NELL1: variants seen among roughly 807,000 people sequenced by gnomAD.
NELL1 encodes protein kinase C-binding protein NELL1.
In NELL1, 76 loss-of-function variants were observed where a neutral mutation model predicts 107.4. The ratio of observed to expected loss-of-function variants is 0.71; its 90% confidence interval spans 0.59 to 0.86. NELL1 has a LOEUF of 0.86. Ranked by LOEUF, NELL1 falls within the 40% of genes least tolerant of loss-of-function variation. NELL1 has a pLI of 0.00. For synonymous variants in NELL1, 353 were observed against 341.2 expected (o/e 1.03, Z -0.38); for missense variants, 1,024 against 1,005.5 (o/e 1.02, Z -0.25).
At chr11:21,415,218 G>T (rs1024931081) in intron 15 of NELL1, among the ~76,000 whole-genome samples, 1 of 152,020 alleles carries the variant, frequency 6.6e-6, no homozygotes, top group African/African-American at 2.4e-5. Context: ...CTTGCACTTA[G>T]CAACTTATAA....
chr11:20,755,563 T>TTTTATTTATTTTTTTTTATTTA (rs1856256252), intron 2 of NELL1, among the ~76,000 whole-genome samples: 1 of 19,114 alleles, frequency 5.2e-5, no homozygotes, highest in East Asian at 1.6e-3. Context: ...TTTGTTTTTG[T>TTTTATTTATTTTTTTTTATTTA]TTTTTTTTTT....
intron 16 of NELL1, among the ~76,000 whole-genome samples, chr11:21,551,841 T>C (rs1006501947): frequency 1.3e-4 from 20 of 151,116 alleles, no homozygotes; most frequent in Admixed American, 8.6e-4. Context: ...TGCACACGTA[T>C]GTTTATTGCG....
At chr11:21,531,458 A>G (rs1338009203) in intron 15 of NELL1, among the ~76,000 whole-genome samples, 1 of 152,166 alleles carries the variant, frequency 6.6e-6, no homozygotes, top group Non-Finnish European at 1.5e-5. Context: ...GCCATATGTT[A>G]GTTATTGTGT....
chr11:21,383,630 CTCTT>C (rs1474266329), intron 15 of NELL1, among the ~76,000 whole-genome samples: 1 of 149,774 alleles, frequency 6.7e-6, no homozygotes, highest in Non-Finnish European at 1.5e-5. Context: ...GTTTGGAATA[CTCTT>C]TCTGACTATT....
At chr11:21,313,517 C>G (rs1384686971) in intron 14 of NELL1, among the ~76,000 whole-genome samples, 1 of 152,158 alleles carries the variant, frequency 6.6e-6, no homozygotes, top group African/African-American at 2.4e-5. Flanking sequence ...TAAATCCCCA[C>G]TGTCACCTAC....
chr11:20,723,978 G>C (rs186910685), intron 2 of NELL1, among the ~76,000 whole-genome samples: 4 of 152,282 alleles, frequency 2.6e-5, no homozygotes, highest in Admixed American at 6.5e-5. Context: ...GCTGTACCTT[G>C]GTCCCTTTTA....
chr11:20,972,193 A>G (rs966954329), intron 12 of NELL1, among the ~76,000 whole-genome samples: 2 of 152,234 alleles, frequency 1.3e-5, no homozygotes, highest in African/African-American at 4.8e-5. Flanking sequence ...AACTTAAAGT[A>G]AAATAAAAAA....
chr11:20,890,132 G>T (rs1849588609), intron 5 of NELL1, among the ~76,000 whole-genome samples: 1 of 152,054 alleles, frequency 6.6e-6, no homozygotes, highest in African/African-American at 2.4e-5. Context: ...CGAGGTCAGA[G>T]GTCCCAGAAG....
At chr11:20,735,679 A>C (rs950999257) in intron 2 of NELL1, among the ~76,000 whole-genome samples, 2 of 152,200 alleles carry the variant, frequency 1.3e-5, no homozygotes, top group Non-Finnish European at 2.9e-5. Flanking sequence ...GGCCAGCATG[A>C]AACCTTGTTT....
chr11:21,501,062 T>C (rs1855128007), intron 15 of NELL1, among the ~76,000 whole-genome samples: 1 of 152,134 alleles, frequency 6.6e-6, no homozygotes, highest in Non-Finnish European at 1.5e-5. Flanking sequence ...TCTGTGAATA[T>C]TATCACATAA....
At chr11:21,549,694 T>A (rs1856529809) in intron 16 of NELL1, among the ~76,000 whole-genome samples, 2 of 151,988 alleles carry the variant, frequency 1.3e-5, no homozygotes, top group African/African-American at 4.8e-5. Flanking sequence ...ACTGCCAGAA[T>A]CTTTTTATTT....
intron 12 of NELL1, among the ~76,000 whole-genome samples, chr11:21,109,381 TC>T (rs1433555503): frequency 6.6e-6 from 1 of 152,140 alleles, no homozygotes; most frequent in African/African-American, 2.4e-5. Flanking sequence ...CTGTGGTTCT[TC>T]CTAGTAAAGC....
At chr11:21,345,160 G>A (rs542453618) in intron 14 of NELL1, among the ~76,000 whole-genome samples, 5 of 152,290 alleles carry the variant, frequency 3.3e-5, no homozygotes, top group South Asian at 2.1e-4. Context: ...ATTCCAATTA[G>A]TCACTTTGTT....
chr11:20,806,125 C>CTTT (rs1278998372), intron 3 of NELL1, among the ~76,000 whole-genome samples: 57 of 134,906 alleles, frequency 4.2e-4, no homozygotes, highest in African/African-American at 1.4e-3. Context: ...TATTAATGTC[C>CTTT]TTTTTTTTTT....
chr11:21,478,860 T>C (rs1854417829), intron 15 of NELL1, among the ~76,000 whole-genome samples: 1 of 145,604 alleles, frequency 6.9e-6, no homozygotes, highest in Admixed American at 6.8e-5. Flanking sequence ...AAACTGATAA[T>C]CTGATTTAAA....
intron 12 of NELL1, among the ~76,000 whole-genome samples, chr11:21,011,856 A>G (rs907017219): frequency 3.3e-5 from 5 of 152,114 alleles, no homozygotes; most frequent in African/African-American, 2.4e-5. Context: ...TGAACATCCA[A>G]TAAACTATTA....
chr11:20,936,722 A>G (rs1250449623), intron 9 of NELL1, among the ~76,000 whole-genome samples: 1 of 152,226 alleles, frequency 6.6e-6, no homozygotes, highest in Non-Finnish European at 1.5e-5. Flanking sequence ...ACCAGTTAGC[A>G]TGTTGCCTGC....
At chr11:21,488,355 G>A (rs1349618148) in intron 15 of NELL1, among the ~76,000 whole-genome samples, 1 of 152,012 alleles carries the variant, frequency 6.6e-6, no homozygotes, top group Non-Finnish European at 1.5e-5. Flanking sequence ...ATAGGAGAAG[G>A]CTTTTTGCTG....
chr11:20,788,458 T>A (rs941750421), intron 3 of NELL1, among the ~76,000 whole-genome samples: 6 of 152,234 alleles, frequency 3.9e-5, no homozygotes, highest in Admixed American at 6.5e-5. Context: ...GGCTAAATGA[T>A]GTTGAGTATC....
Sources: allele counts gnomAD v4.1 joint callset (sites outside exome capture counted in the v4.1 genomes callset), GRCh38; gene constraint gnomAD v4.1.1; transcripts MANE v1.5; gene names NCBI Gene and HGNC (gene_info 2026-07-23, HGNC 2026-07-21).